Variants in VPS13B observed in about 807,000 individuals in gnomAD.
VPS13B encodes vacuolar protein sorting 13 homolog B.
Under a neutral mutation model 426.4 loss-of-function variants are expected in VPS13B, and 285 were observed. The ratio of observed to expected loss-of-function variants is 0.67; its 90% CI spans 0.61 to 0.74. The LOEUF is 0.74. Among genes scored for constraint, VPS13B ranks in the 30% least tolerant of loss-of-function variants. The pLI is 0.00. For missense variants in VPS13B, 4,537 were observed against 4,782.6 expected (o/e 0.95, Z 1.51); for synonymous variants, 1,676 against 1,676.4 (o/e 1.00, Z 0.01).
Position 99,720,902 on chromosome 8 carries a change from A to G in VPS13B, c.6905A>G (p.Tyr2302Cys), listed in dbSNP as rs1833105159. ...CCTGGGGTCTATGAAGTCTTATTTT[A>G]TAATGAAACTGAAGATTGCCCAGGG... Reference protein sequence around the residue: ...KLPGVYEVLFYNETEDCPGMM... With the variant: ...KLPGVYEVLFCNETEDCPGMM... The change falls in exon 39 of 62, where the codon TAT (tyrosine) becomes TGT (cysteine). Residue 2302 changes from tyrosine (Y) to cysteine (C), a missense_variant. Transcript: ENST00000357162. 4 of 1,613,968 alleles carry G rather than the reference A, an allele frequency of 2.5e-6. No homozygotes were observed. Among genetic ancestry groups the G allele is most frequent in the African/African-American group, 1.3e-5 (1 of 75,026 alleles).
chr8:99,112,057 T>C (rs983407593), intron 6 of VPS13B, among the ~76,000 whole-genome samples: 1 of 152,220 alleles, frequency 6.6e-6, no homozygotes, highest in Non-Finnish European at 1.5e-5. Flanking sequence ...ACATGTCTTT[T>C]GATACATGTG....
chr8:99,598,068 G>C (rs1827105916), intron 33 of VPS13B, among the ~76,000 whole-genome samples: 2 of 152,048 alleles, frequency 1.3e-5, no homozygotes, highest in South Asian at 4.1e-4. Flanking sequence ...AGACAGATAG[G>C]TTAAGTACAT....
chr8:99,280,335 C>A (rs1013750818), intron 19 of VPS13B, among the ~76,000 whole-genome samples: 4 of 152,124 alleles, frequency 2.6e-5, no homozygotes, highest in Non-Finnish European at 4.4e-5. Flanking sequence ...CCCTCCCAAG[C>A]CACTCAATTT....
intron 36 of VPS13B, among the ~76,000 whole-genome samples, chr8:99,711,371 A>G (rs927973195): frequency 6.6e-6 from 1 of 152,182 alleles, no homozygotes; most frequent in Non-Finnish European, 1.5e-5. Flanking sequence ...TAGATTTTGT[A>G]TTTTCTTAGT....
In VPS13B at chr8:99,357,079, A is replaced by G. The variant is rs372964335; in HGVS notation, c.2825-27129A>G. Among the ~76,000 whole-genome samples, 29 of 152,336 alleles carry G rather than the reference A, an allele frequency of 1.9e-4. No homozygotes were observed. The East Asian group carries it at 4.8e-3, about 25-fold the overall frequency. ...CAACTTTTCTACGTTAATTTCTTCT[A>G]TGTGAAAACACTACATTCAATCTAA... On this transcript the variant is annotated intron_variant, in intron 19 of 61. Transcript: ENST00000357162.
intron 30 of VPS13B, among the ~76,000 whole-genome samples, chr8:99,542,845 G>A (rs571166355): frequency 6.6e-6 from 1 of 152,176 alleles, no homozygotes; most frequent in South Asian, 2.1e-4. Flanking sequence ...GTTGTTATGA[G>A]GATTACATAA....
rs78250784 is a variant in VPS13B, at chr8:99,236,345, G to A, written c.2516-37853G>A. On this transcript the variant is annotated intron_variant, in intron 17 of 61. Coordinates refer to ENST00000357162, the MANE Select transcript of VPS13B (RefSeq NM_152564.5). ...GCTCACTGCAACCTCCGCTTCCCAG[G>A]TTCAAGCAATTCTCCTGACTCAGTC... is the stretch of plus-strand genomic sequence containing the variant. Among the ~76,000 whole-genome samples the A allele has an allele frequency of 6.4e-3, 981 of 152,098 alleles. 5 individuals carry two copies. The highest frequency in any genetic ancestry group is 0.014 in the Middle Eastern group (4 of 292).
At position 99,117,020 on chromosome 8, in the gene VPS13B, TATC is replaced by T. The variant is rs1847694696; in HGVS notation, c.937+1149_937+1151del. Among the ~76,000 whole-genome samples, 4 of 148,238 alleles carry T rather than the reference TATC, an allele frequency of 2.7e-5. No individual in the cohort carries two copies. In the South Asian group the frequency reaches 8.9e-4, roughly 33 times the overall value. ...GTAGAATGGCAGAAAGTTTGATAAA[TATC>T]ATGAATGATCTGATGTAGAAAGATG... On this transcript the variant is annotated intron_variant, in intron 7 of 61. Transcript: ENST00000357162.
At chr8:99,784,286 T>C (rs1412469302) in intron 42 of VPS13B, 29 bp from the exon 43 acceptor site, 1 of 1,613,350 alleles carries the variant, frequency 6.2e-7, no homozygotes, top group African/African-American at 1.3e-5. Flanking sequence ...ATCCGATCCA[T>C]GTTGGCTTTC....
At position 99,305,011 on chromosome 8, in the gene VPS13B, C is replaced by G. The variant is rs537804211; in HGVS notation, c.2824+29757C>G. Among the ~76,000 whole-genome samples the G allele has an allele frequency of 7.2e-5, 11 of 152,270 alleles. No individual in the cohort carries two copies. The East Asian group carries it at 1.3e-3, about 19-fold the overall frequency. On this transcript the variant is annotated intron_variant, in intron 19 of 61. Coordinates refer to ENST00000357162, the MANE Select transcript of VPS13B (RefSeq NM_152564.5). ...TGCAATTCCATGAAAATGCCATTCTCTTACCATTTTCATTAGTGTAAACAA... is the reference window on the plus strand; with the variant it reads ...TGCAATTCCATGAAAATGCCATTCTGTTACCATTTTCATTAGTGTAAACAA...
intron 33 of VPS13B, among the ~76,000 whole-genome samples, chr8:99,621,955 T>C (rs755400628): frequency 6.6e-6 from 1 of 150,612 alleles, no homozygotes; most frequent in African/African-American, 2.4e-5. Context: ...TGTCTCACGC[T>C]CCCGAGTAGC....
At chr8:99,542,749 T>C (rs1266616928) in intron 30 of VPS13B, among the ~76,000 whole-genome samples, 1 of 152,196 alleles carries the variant, frequency 6.6e-6, no homozygotes, top group Non-Finnish European at 1.5e-5. Flanking sequence ...GCACAGCCTT[T>C]CCAAGTGACC....
chr8:99,803,870 T>A (rs1044320505), intron 43 of VPS13B, among the ~76,000 whole-genome samples: 1 of 152,196 alleles, frequency 6.6e-6, no homozygotes, highest in Non-Finnish European at 1.5e-5. Flanking sequence ...AAGAATTATT[T>A]TAGTATTTTA....
intron 34 of VPS13B, among the ~76,000 whole-genome samples, chr8:99,649,208 C>T (rs1829708614): frequency 6.6e-6 from 1 of 152,010 alleles, no homozygotes; most frequent in South Asian, 2.1e-4. Context: ...TTCTTTGATT[C>T]TATCCTGTGT....
intron 21 of VPS13B, among the ~76,000 whole-genome samples, chr8:99,399,106 G>A (rs1814900964): frequency 6.6e-6 from 1 of 151,742 alleles, no homozygotes; most frequent in South Asian, 2.1e-4. Flanking sequence ...TACTACTTTG[G>A]AACAGAAAAA....
At chr8:99,669,263 G>A (rs1377219769) in intron 35 of VPS13B, among the ~76,000 whole-genome samples, 1 of 141,544 alleles carries the variant, frequency 7.1e-6, no homozygotes, top group Admixed American at 7.7e-5. Context: ...ACTTTGAAAT[G>A]CAATTTTTTT....
chr8:99,682,198 G>A (rs75781730), intron 35 of VPS13B, among the ~76,000 whole-genome samples: 288 of 152,192 alleles, frequency 1.9e-3, no homozygotes, highest in Middle Eastern at 0.01. Flanking sequence ...AAGCATGGTG[G>A]CTCACACTTT....
intron 39 of VPS13B, among the ~76,000 whole-genome samples, chr8:99,740,428 A>G (rs936423704): frequency 2.0e-5 from 3 of 152,220 alleles, no homozygotes; most frequent in Non-Finnish European, 2.9e-5. Flanking sequence ...AACTTCCCCA[A>G]TCTAGCAAGG....
intron 12 of VPS13B, among the ~76,000 whole-genome samples, chr8:99,141,988 G>A (rs1407714520): frequency 6.6e-6 from 1 of 151,964 alleles, no homozygotes; most frequent in Admixed American, 6.6e-5. Context: ...AGGAGGCGGA[G>A]CTTTCAGTGA....
Sources: gnomAD v4.1 joint callset for allele counts (sites outside exome capture counted in the v4.1 genomes callset) on GRCh38, gnomAD v4.1.1 for gene constraint, MANE v1.5 for transcripts, NCBI Gene and HGNC (gene_info 2026-07-23, HGNC 2026-07-21) for gene names.